The following MAN1C1 variants were observed in gnomAD, a reference collection of about 807,000 sequenced individuals.
The protein encoded by MAN1C1 is mannosyl-oligosaccharide 1,2-alpha-mannosidase IC.
A neutral mutation model predicts 71.5 loss-of-function variants in MAN1C1; 49 were observed. The observed-to-expected ratio is 0.69, with a 90% CI of 0.54 to 0.87. The LOEUF is 0.87. MAN1C1 is among the 40% of genes least tolerant of loss of function. The pLI is 0.00. For synonymous variants in MAN1C1, 352 were observed against 343.7 expected (o/e 1.02, Z -0.27); for missense variants, 743 against 835.0 (o/e 0.89, Z 1.36).
chr1:25,692,391 T>C (rs576932015), intron 2 of MAN1C1, among the ~76,000 whole-genome samples: 4 of 152,204 alleles, frequency 2.6e-5, no homozygotes, highest in Non-Finnish European at 5.9e-5. Context: ...TTCTAAAATA[T>C]ATATATTTCT....
intron 1 of MAN1C1, among the ~76,000 whole-genome samples, chr1:25,646,625 C>T (rs2045618740): frequency 6.6e-6 from 1 of 152,214 alleles, no homozygotes; most frequent in Non-Finnish European, 1.5e-5. Context: ...AGCCCAGTCC[C>T]TGGCAGCCAC....
In MAN1C1 at chr1:25,764,003, G is replaced by A; in HGVS notation, c.1141+36G>A. On this transcript the variant is annotated intron_variant, in intron 7 of 11. Coordinates refer to ENST00000374332, the MANE Select transcript of MAN1C1 (RefSeq NM_020379.4). The surrounding 1 kb of genome is among the most constrained non-coding windows in gnomAD (Gnocchi z 4.4). ...AGACGCCACTGCCCCTTATTCAGCG[G>A]GTTCCTGCCCAGGCTTCCTAGGAAG... 2 of 1,561,634 alleles carry A rather than the reference G, an allele frequency of 1.3e-6. No homozygotes were observed. The highest frequency in any genetic ancestry group is 1.8e-6 in the Non-Finnish European group (2 of 1,133,078).
chr1:25,768,221 CATTA>C (rs2047477955), intron 7 of MAN1C1, among the ~76,000 whole-genome samples: 1 of 102,100 alleles, frequency 9.8e-6, no homozygotes, highest in Non-Finnish European at 2.0e-5. Flanking sequence ...CACATACACA[CATTA>C]CACACACTCC....
chr1:25,783,012 A>T (rs111883341), intron 11 of MAN1C1, among the ~76,000 whole-genome samples: 21 of 152,242 alleles, frequency 1.4e-4, no homozygotes, highest in African/African-American at 5.1e-4. Flanking sequence ...GTAAAATGGG[A>T]TAGGGTTAAC....
At chr1:25,726,796 C>T (rs2046837754) in intron 2 of MAN1C1, among the ~76,000 whole-genome samples, 1 of 151,614 alleles carries the variant, frequency 6.6e-6, no homozygotes, top group African/African-American at 2.4e-5. Flanking sequence ...TGGCTCACGT[C>T]TGTAATCCCA....
chr1:25,686,594 G>C, intron 2 of MAN1C1, 58 bp downstream of exon 2: 1 of 1,489,508 alleles, frequency 6.7e-7, no homozygotes. Context: ...GCCAGTGGCC[G>C]AGTGGAATTT....
intron 1 of MAN1C1, among the ~76,000 whole-genome samples, chr1:25,626,653 C>T (rs187073859): frequency 2.7e-4 from 41 of 152,204 alleles, no homozygotes; most frequent in East Asian, 1.5e-3. Context: ...CCACTGCGCC[C>T]GGCCGTTTAT....
In MAN1C1 at chr1:25,769,074, CCA is replaced by C. The variant is rs1183355155; in HGVS notation, c.1142-2573_1142-2572del. On this transcript the variant is annotated intron_variant, in intron 7 of 11. Coordinates refer to ENST00000374332, the MANE Select transcript of MAN1C1 (RefSeq NM_020379.4). The surrounding 1 kb of genome is among the most constrained non-coding windows in gnomAD (Gnocchi z 4.8). ...CACACACTACACACCACCCACACTC[CCA>C]CACACACACCTATCACCCACACTCC... Among the ~76,000 whole-genome samples, 3 of 146,462 alleles carry C rather than the reference CCA, an allele frequency of 2.0e-5. No homozygotes were observed. Among genetic ancestry groups the C allele is most frequent in the African/African-American group, 7.6e-5 (3 of 39,638 alleles).
Position 25,764,060 on chromosome 1 carries a change from G to A in MAN1C1, c.1141+93G>A. On this transcript the variant is annotated intron_variant, in intron 7 of 11. Coordinates refer to ENST00000374332, the MANE Select transcript of MAN1C1 (RefSeq NM_020379.4). This position sits in a 1 kb window ranked among gnomAD's most constrained non-coding sequence, Gnocchi z 4.4. The stretch of plus-strand genomic sequence containing the variant: ...CCAGGCCCCTGGGCTGAGTGAGGAT[G>A]TGTCTGTCAGAGCCATGCAGCCAGC... 2 of 1,033,078 alleles carry A rather than the reference G, an allele frequency of 1.9e-6. No homozygotes were observed. Among genetic ancestry groups the A allele is most frequent in the Non-Finnish European group, 1.5e-6 (1 of 668,908 alleles). 64.0% of individuals were successfully genotyped at this position (1,033,078 alleles called of 1,614,324 possible).
intron 7 of MAN1C1, among the ~76,000 whole-genome samples, chr1:25,770,786 C>T (rs972581852): frequency 6.6e-6 from 1 of 150,932 alleles, no homozygotes; most frequent in African/African-American, 2.4e-5. Flanking sequence ...CTGCCCATTC[C>T]CCCCGCCCCG....
chr1:25,750,987 C>T (rs1463440446), intron 4 of MAN1C1, among the ~76,000 whole-genome samples: 6 of 152,106 alleles, frequency 3.9e-5, no homozygotes, highest in Non-Finnish European at 8.8e-5. Flanking sequence ...TCCATCTTTC[C>T]TCCCTTCCGT....
At chr1:25,701,916 C>T (rs562554446) in intron 2 of MAN1C1, among the ~76,000 whole-genome samples, 10 of 152,210 alleles carry the variant, frequency 6.6e-5, no homozygotes, top group Admixed American at 1.3e-4. Flanking sequence ...AAAAATCAGC[C>T]GGGCGTGGTG....
At chr1:25,770,011 G>A (rs752097552) in intron 7 of MAN1C1, among the ~76,000 whole-genome samples, 2 of 152,106 alleles carry the variant, frequency 1.3e-5, no homozygotes, top group African/African-American at 2.4e-5. Flanking sequence ...GACAGTGCTC[G>A]TAGCTGCCGT....
chr1:25,637,918 C>A (rs1377713369), intron 1 of MAN1C1, among the ~76,000 whole-genome samples: 6 of 150,924 alleles, frequency 4.0e-5, no homozygotes, highest in Non-Finnish European at 7.4e-5. Flanking sequence ...TTTTTTTTAA[C>A]CCATTTGTAT....
chr1:25,742,956 C>T (rs1277329294), intron 2 of MAN1C1, among the ~76,000 whole-genome samples: 1 of 152,204 alleles, frequency 6.6e-6, no homozygotes, highest in Non-Finnish European at 1.5e-5. Context: ...GACCCCAGAA[C>T]TGATGAACAA....
rs550730901 is a variant in MAN1C1 at position 25,729,430 on chromosome 1, A to G, written c.638-17238A>G. On this transcript the variant is annotated intron_variant, in intron 2 of 11. Transcript: ENST00000374332. ...ATAAAAGCTTCCCAGGAATTAACTC[A>G]TTGAGCTCCCAAGCCTACAAGGCAG... is the stretch of plus-strand genomic sequence containing the variant. Among the ~76,000 whole-genome samples the G allele has an allele frequency of 6.3e-4, 96 of 151,520 alleles. 3 individuals are homozygous for G. The South Asian group carries it at 0.017, about 26-fold the overall frequency.
chr1:25,680,494 G>A (rs550982318), intron 1 of MAN1C1, among the ~76,000 whole-genome samples: 3 of 152,166 alleles, frequency 2.0e-5, no homozygotes, highest in African/African-American at 2.4e-5. Context: ...AGTCCCTGGC[G>A]ACCACTAATC....
At chr1:25,768,228 C>A in intron 7 of MAN1C1, among the ~76,000 whole-genome samples, 1 of 110,468 alleles carries the variant, frequency 9.1e-6, no homozygotes, top group African/African-American at 3.5e-5. Context: ...ACACATTACA[C>A]ACACTCCCCT....
intron 2 of MAN1C1, among the ~76,000 whole-genome samples, chr1:25,694,392 C>G (rs113272449): frequency 2.0e-5 from 3 of 152,146 alleles, no homozygotes; most frequent in Admixed American, 6.5e-5. Context: ...GCCTCTGCCT[C>G]GCAAATCCCC....
Sources: allele counts gnomAD v4.1 joint callset (sites outside exome capture counted in the v4.1 genomes callset), GRCh38; gene constraint gnomAD v4.1.1; non-coding constraint Gnocchi (gnomAD v3.1); transcripts MANE v1.5; gene names NCBI Gene and HGNC (gene_info 2026-07-23, HGNC 2026-07-21).